SEC23B: variants seen among roughly 807,000 people sequenced by gnomAD.
SEC23B encodes SEC23 homolog B, COPII component.
SEC23B carries 77 observed loss-of-function variants against 104.3 expected under a neutral mutation model. The ratio of observed to expected loss-of-function variants is 0.74; its 90% CI spans 0.61 to 0.89. SEC23B has a LOEUF of 0.89. Ranked by LOEUF, SEC23B falls within the 40% of genes least tolerant of loss-of-function variation. The pLI, the probability that SEC23B is intolerant of heterozygous loss-of-function variation, is 0.00. For synonymous variants in SEC23B, 338 were observed against 332.5 expected (o/e 1.02, Z -0.18); for missense variants, 885 against 949.4 (o/e 0.93, Z 0.89).
intron 4 of SEC23B, among the ~76,000 whole-genome samples, chr20:18,516,246 TTC>T (rs1568599451): frequency 1.3e-5 from 1 of 75,288 alleles, no homozygotes; most frequent in Non-Finnish European, 3.4e-5. Context: ...GCCACAGTAA[TTC>T]TTTTTTTTTT....
intron 4 of SEC23B, among the ~76,000 whole-genome samples, chr20:18,522,274 G>T (rs1339980150): frequency 6.6e-6 from 1 of 152,204 alleles, no homozygotes; most frequent in Non-Finnish European, 1.5e-5. Flanking sequence ...TCCCTGCAGA[G>T]ATCAGACGCC....
upstream of SEC23B, chr20:18,507,735 ACT>A (rs2059941990): frequency 6.6e-6 from 1 of 152,128 alleles, no homozygotes; most frequent in African/African-American, 2.4e-5. Context: ...GTTCCGAGGA[ACT>A]CTCGTTTTGA....
At chr20:18,542,211 G>T (rs917779691) in intron 12 of SEC23B, 85 bp from the exon 13 acceptor site, 2 of 1,143,312 alleles carry the variant, frequency 1.7e-6, no homozygotes, top group Non-Finnish European at 2.7e-6. Flanking sequence ...TGCTGTGTCA[G>T]TCATTTTAGA....
intron 4 of SEC23B, among the ~76,000 whole-genome samples, chr20:18,523,259 T>A (rs2060100773): frequency 6.6e-6 from 1 of 152,060 alleles, no homozygotes; most frequent in Non-Finnish European, 1.5e-5. Flanking sequence ...CTAACACTCC[T>A]GCTTGAGGAC....
In SEC23B at chr20:18,557,924, T is replaced by C. The variant is rs6136409; in HGVS notation, c.2215-2727T>C. Among the ~76,000 whole-genome samples, 196 of 152,040 alleles carry C rather than the reference T, an allele frequency of 1.3e-3. 3 individuals are homozygous for C. In the East Asian group the frequency reaches 0.036, roughly 28 times the overall value. ...GCACCACCACGCCTGACTAATTTTG[T>C]ATTTTTAGTAGAGACAGGGTTTCTC... On this transcript the variant is annotated intron_variant, in intron 19 of 19. Coordinates refer to ENST00000650089, the MANE Select transcript of SEC23B (RefSeq NM_006363.6).
At chr20:18,543,283 T>C (rs1167072784) in intron 14 of SEC23B, 111 bp downstream of exon 14, 1 of 1,360,906 alleles carries the variant, frequency 7.3e-7, no homozygotes, top group Non-Finnish European at 1.0e-6. Context: ...ATTTATCAGT[T>C]GCCTACCTTA....
At chr20:18,548,392 T>C (rs2060353562) in intron 15 of SEC23B, among the ~76,000 whole-genome samples, 1 of 152,250 alleles carries the variant, frequency 6.6e-6, no homozygotes, top group East Asian at 1.9e-4. Context: ...CTAGAATTTT[T>C]CACTTTGCAG....
intron 18 of SEC23B, 57 bp downstream of exon 18, chr20:18,554,447 T>C (rs1241909909): frequency 1.3e-6 from 2 of 1,566,378 alleles, no homozygotes; most frequent in Non-Finnish European, 1.8e-6. Context: ...AGATTGTTAT[T>C]GCTATACATC....
At chr20:18,521,359 G>A (rs943128526) in intron 4 of SEC23B, among the ~76,000 whole-genome samples, 1 of 152,066 alleles carries the variant, frequency 6.6e-6, no homozygotes, top group African/African-American at 2.4e-5. Context: ...TTCCTCTGGG[G>A]GCCTTCCTCT....
chr20:18,537,953 T>A (rs1044614074), intron 12 of SEC23B, among the ~76,000 whole-genome samples: 10 of 151,982 alleles, frequency 6.6e-5, no homozygotes, highest in Non-Finnish European at 1.3e-4. Flanking sequence ...GTTTTTTTTT[T>A]AATTAAGACA....
intron 12 of SEC23B, among the ~76,000 whole-genome samples, chr20:18,541,431 A>G (rs2060287074): frequency 6.6e-6 from 1 of 152,250 alleles, no homozygotes. Flanking sequence ...TTGGCTTTCA[A>G]CATACCTTCC....
chr20:18,534,822 G>A (rs2060213602), intron 11 of SEC23B, among the ~76,000 whole-genome samples: 1 of 152,180 alleles, frequency 6.6e-6, no homozygotes. Flanking sequence ...GTGAGAAAAT[G>A]ATATTTTGGA....
intron 19 of SEC23B, 50 bp downstream of exon 19, chr20:18,555,223 A>T (rs775049934): frequency 7.5e-5 from 108 of 1,440,118 alleles, no homozygotes; most frequent in Non-Finnish European, 9.7e-5. Context: ...GTTTTTTTTT[A>T]AACTTGTTTT....
chr20:18,545,001 T>C (rs917801706), intron 14 of SEC23B, among the ~76,000 whole-genome samples: 3 of 141,276 alleles, frequency 2.1e-5, no homozygotes, highest in Admixed American at 7.3e-5. Flanking sequence ...GTTTTTTCTC[T>C]TTTTTTAATG....
chr20:18,548,847 C>A, intron 16 of SEC23B, 77 bp downstream of exon 16: 1 of 1,449,416 alleles, frequency 6.9e-7, no homozygotes. Context: ...ATTTACTTAG[C>A]AGAACTGTAA....
chr20:18,539,775 G>C (rs1407615886), intron 12 of SEC23B, among the ~76,000 whole-genome samples: 2 of 151,700 alleles, frequency 1.3e-5, no homozygotes, highest in African/African-American at 4.8e-5. Flanking sequence ...CTCCCGAGTA[G>C]CTGGGATTAC....
intron 10 of SEC23B, 150 bp downstream of exon 10, chr20:18,530,953 A>G: frequency 1.6e-6 from 1 of 633,292 alleles, no homozygotes; most frequent in East Asian, 2.8e-5. Context: ...ATACTTTTAA[A>G]ACTTCAATGA....
intron 4 of SEC23B, among the ~76,000 whole-genome samples, chr20:18,522,314 C>T (rs1182415624): frequency 1.3e-5 from 2 of 152,268 alleles, no homozygotes; most frequent in African/African-American, 4.8e-5. Context: ...ATCAGGCAGG[C>T]GTCCCCACAA....
intron 1 of SEC23B, chr20:18,509,657 G>A (rs1265310333): frequency 1.3e-5 from 2 of 151,926 alleles, no homozygotes; most frequent in African/African-American, 4.8e-5. Flanking sequence ...GCATTGTCTC[G>A]CCTCACTGCA....
Sources: allele counts gnomAD v4.1 joint callset (sites outside exome capture counted in the v4.1 genomes callset), GRCh38; gene constraint gnomAD v4.1.1; transcripts MANE v1.5; gene names NCBI Gene and HGNC (gene_info 2026-07-23, HGNC 2026-07-21).